Variants in SND1 observed in about 807,000 individuals in gnomAD.
SND1 encodes staphylococcal nuclease domain-containing protein 1.
Under a neutral mutation model 121.7 loss-of-function variants are expected in SND1, and 38 were observed. The observed-to-expected ratio is 0.31, with a 90% CI of 0.24 to 0.41. The LOEUF (loss-of-function observed/expected upper bound fraction) is 0.41, where lower values mean the gene tolerates loss of function less well. Ranked by LOEUF, SND1 falls within the 10% of genes least tolerant of loss-of-function variation. The pLI, the probability that SND1 is intolerant of heterozygous loss-of-function variation, is 1.00. For missense variants in SND1, 868 were observed against 1,184.6 expected (o/e 0.73, Z 3.92); for synonymous variants, 401 against 447.4 (o/e 0.90, Z 1.31).
intron 15 of SND1, among the ~76,000 whole-genome samples, chr7:127,983,040 C>G (rs1055634688): frequency 2.0e-5 from 3 of 152,164 alleles, no homozygotes; most frequent in Non-Finnish European, 4.4e-5. Context: ...ATATTGTTGG[C>G]GCTGAAGAAT....
intron 15 of SND1, 148 bp from the exon 16 acceptor site, chr7:127,990,799 C>G (rs1331848186): frequency 2.0e-5 from 12 of 606,374 alleles, no homozygotes; most frequent in Non-Finnish European, 3.5e-5. Flanking sequence ...CTCCACTTCT[C>G]CCATTACCTC....
chr7:128,031,751 G>GCAGCCC (rs1792614323), intron 16 of SND1: 1 of 144,522 alleles, frequency 6.9e-6, no homozygotes, highest in African/African-American at 2.5e-5. Flanking sequence ...GGCGGCGGCC[G>GCAGCCC]CAGCCCCCGG....
At chr7:128,010,830 A>G (rs1803098521) in intron 16 of SND1, among the ~76,000 whole-genome samples, 1 of 152,122 alleles carries the variant, frequency 6.6e-6, no homozygotes, top group Non-Finnish European at 1.5e-5. Context: ...AGTAGTCACT[A>G]GTCACTGCTC....
At chr7:127,858,286 C>T (rs757328075) in intron 12 of SND1, 31 of 869,830 alleles carry the variant, frequency 3.6e-5, no homozygotes, top group East Asian at 1.6e-4. Flanking sequence ...CCGGGCACTG[C>T]GGGGAACTGG....
intron 13 of SND1, among the ~76,000 whole-genome samples, chr7:127,891,359 C>T (rs1407990911): frequency 6.6e-6 from 1 of 151,982 alleles, no homozygotes; most frequent in African/African-American, 2.4e-5. Flanking sequence ...TTTTCAAGAC[C>T]ACTTATGTCC....
Position 127,698,949 on chromosome 7 carries a change from A to G in SND1, c.424A>G (p.Asn142Asp). 1 of 1,612,540 alleles carries G rather than the reference A, an allele frequency of 6.2e-7. No homozygotes were observed. Among genetic ancestry groups the G allele is most frequent in the Non-Finnish European group, 8.5e-7 (1 of 1,178,668 alleles). Residue 142 changes from asparagine (N) to aspartate (D), a missense_variant, in exon 4 of 24, where the codon AAT (asparagine) becomes GAT (aspartate). Coordinates refer to ENST00000354725, the MANE Select transcript of SND1 (RefSeq NM_014390.4). ...CACCCGGAGAGAAGGCATGAGAGCT[A>G]ATAAGTAAGTATTCATTACTCCGCT... is the stretch of plus-strand genomic sequence containing the variant. ...LATRREGMRANNPEQNRLSEC... is the reference protein window; with the variant it reads ...LATRREGMRADNPEQNRLSEC...
chr7:128,091,388 A>ATT (rs36100064), intron 22 of SND1, among the ~76,000 whole-genome samples: 11 of 145,492 alleles, frequency 7.6e-5, no homozygotes, highest in African/African-American at 7.6e-5. Flanking sequence ...TGCCTGGCTA[A>ATT]TTTTTTTTTT....
At chr7:127,838,869 C>T (rs1279024440) in intron 11 of SND1, among the ~76,000 whole-genome samples, 1 of 152,138 alleles carries the variant, frequency 6.6e-6, no homozygotes, top group African/African-American at 2.4e-5. Flanking sequence ...AGACACTGCC[C>T]TAAGAAAATT....
chr7:128,088,526 C>T (rs1793724088), intron 21 of SND1, among the ~76,000 whole-genome samples: 1 of 145,932 alleles, frequency 6.9e-6, no homozygotes, highest in Non-Finnish European at 1.5e-5. Context: ...AATCTCGGCT[C>T]ACTGCAACCT....
chr7:128,082,287 C>A (rs1388021133), intron 18 of SND1, among the ~76,000 whole-genome samples: 1 of 152,202 alleles, frequency 6.6e-6, no homozygotes, highest in African/African-American at 2.4e-5. Context: ...GCTTCTGGAT[C>A]CCAGGAAACA....
At chr7:127,952,158 G>A (rs892791967) in intron 15 of SND1, among the ~76,000 whole-genome samples, 20 of 152,294 alleles carry the variant, frequency 1.3e-4, no homozygotes, top group Non-Finnish European at 2.8e-4. Context: ...TTGTCACATA[G>A]TAGATACTCA....
chr7:127,792,711 G>A (rs1480228633), intron 10 of SND1, among the ~76,000 whole-genome samples: 1 of 152,186 alleles, frequency 6.6e-6, no homozygotes, highest in African/African-American at 2.4e-5. Flanking sequence ...CAAGGTCTTG[G>A]GACCCAGACC....
intron 12 of SND1, among the ~76,000 whole-genome samples, chr7:127,854,936 T>C (rs1008318763): frequency 6.6e-6 from 1 of 151,692 alleles, no homozygotes; most frequent in Non-Finnish European, 1.5e-5. Flanking sequence ...CAAAAGAAAA[T>C]AGGGGAAATT....
At chr7:127,751,824 A>T (rs990201214) in intron 10 of SND1, among the ~76,000 whole-genome samples, 1 of 152,236 alleles carries the variant, frequency 6.6e-6, no homozygotes, top group African/African-American at 2.4e-5. Context: ...TGGCCTAGTC[A>T]TGGGCAATTG....
At chr7:127,887,379 G>C (rs993844167) in intron 12 of SND1, among the ~76,000 whole-genome samples, 6 of 151,894 alleles carry the variant, frequency 4.0e-5, no homozygotes, top group Admixed American at 6.6e-5. Flanking sequence ...CCCACTTTGG[G>C]TAGAAGATCT....
At chr7:127,774,142 T>A (rs1236925005) in intron 10 of SND1, among the ~76,000 whole-genome samples, 1 of 152,340 alleles carries the variant, frequency 6.6e-6, no homozygotes, top group East Asian at 1.9e-4. Context: ...AAGGCATTGT[T>A]ATCCGAGGAG....
chr7:127,961,632 A>C (rs796823225), intron 15 of SND1, among the ~76,000 whole-genome samples: 20 of 152,206 alleles, frequency 1.3e-4, no homozygotes, highest in African/African-American at 4.8e-4. Flanking sequence ...ATTTTCTTCT[A>C]TTGCCGTCAT....
intron 12 of SND1, among the ~76,000 whole-genome samples, chr7:127,853,197 G>C (rs1423250241): frequency 1.3e-5 from 2 of 152,074 alleles, no homozygotes; most frequent in Non-Finnish European, 2.9e-5. Flanking sequence ...TATTTTCCAG[G>C]ATTATTTTGC....
intron 10 of SND1, among the ~76,000 whole-genome samples, chr7:127,794,436 T>A (rs1159628170): frequency 6.6e-6 from 1 of 152,220 alleles, no homozygotes; most frequent in Non-Finnish European, 1.5e-5. Flanking sequence ...AATGGTGTCA[T>A]ATCCAGCCTT....
Sources: allele counts gnomAD v4.1 joint callset (sites outside exome capture counted in the v4.1 genomes callset), GRCh38; gene constraint gnomAD v4.1.1; transcripts MANE v1.5; gene names NCBI Gene and HGNC (gene_info 2026-07-23, HGNC 2026-07-21).